Variants in FGF20 observed in about 807,000 individuals in gnomAD.
FGF20 encodes fibroblast growth factor 20.
Under a neutral mutation model 16.7 loss-of-function variants are expected in FGF20, and 8 were observed. That is an observed-to-expected ratio of 0.48 (90% CI 0.28 to 0.87). The LOEUF is 0.87. Among genes scored for constraint, FGF20 ranks in the 40% least tolerant of loss-of-function variants. FGF20 has a pLI of 0.10. For missense variants in FGF20, 397 were observed against 281.4 expected (o/e 1.41, Z -2.94); for synonymous variants, 161 against 118.6 (o/e 1.36, Z -2.32).
intron 1 of FGF20, among the ~76,000 whole-genome samples, chr8:16,996,758 A>G (rs960309196): frequency 6.6e-6 from 1 of 152,198 alleles, no homozygotes; most frequent in Non-Finnish European, 1.5e-5. Context: ...AGATATTATT[A>G]TCCCCATTTT....
chr8:16,993,797 C>A (rs145023755), intron 2 of FGF20, among the ~76,000 whole-genome samples: 67 of 152,304 alleles, frequency 4.4e-4, no homozygotes, highest in East Asian at 1.9e-3. Context: ...GCATTAGATT[C>A]TCATAAGAAG....
chr8:16,998,674 A>G (rs1374754055), intron 1 of FGF20, among the ~76,000 whole-genome samples: 3 of 152,182 alleles, frequency 2.0e-5, no homozygotes, highest in Non-Finnish European at 2.9e-5. Flanking sequence ...TCAACCCACA[A>G]TGCAACCACA....
intron 2 of FGF20, among the ~76,000 whole-genome samples, chr8:16,995,275 G>T (rs1352345122): frequency 6.6e-6 from 1 of 152,220 alleles, no homozygotes; most frequent in Non-Finnish European, 1.5e-5. Context: ...AGCTGTGGAA[G>T]ATGATAACAG....
rs1029805434 is a variant in FGF20 at position 16,992,858 on chromosome 8, G to T, written c.*214C>A. ...GTAAGGACTAATCCAATGTATCTAAGGGAACTTAATCCACATATAAAGAGT... is the reference window on the plus strand; with the variant it reads ...GTAAGGACTAATCCAATGTATCTAATGGAACTTAATCCACATATAAAGAGT... On this transcript the variant is annotated 3_prime_UTR_variant, in exon 3 of 3. Coordinates refer to ENST00000180166, the MANE Select transcript of FGF20 (RefSeq NM_019851.3). 12 of 553,948 alleles carry T rather than the reference G, an allele frequency of 2.2e-5. No individual in the cohort carries two copies. The African/African-American group carries it at 2.3e-4, about 11-fold the overall frequency. The allele number at this position is 553,948 out of a possible 1,614,324, so 34.3% of individuals were successfully genotyped here.
intron 2 of FGF20, 57 bp downstream of exon 2, chr8:16,995,598 T>C (rs995659689): frequency 7.1e-6 from 5 of 704,014 alleles, no homozygotes; most frequent in Non-Finnish European, 1.1e-5. Context: ...AATTACATAA[T>C]AGATAGTCAA....
In FGF20 at chr8:16,993,621, C is replaced by T. The variant is rs560233141; in HGVS notation, c.391-304G>A. Reference sequence around the variant, plus strand: ...GGATGGTTTCAGGGTGATCCAAGTGCATTACATTTATTGTGTACTTCATTC... The same window carrying T: ...GGATGGTTTCAGGGTGATCCAAGTGTATTACATTTATTGTGTACTTCATTC... On this transcript the variant is annotated intron_variant, in intron 2 of 2. Transcript: ENST00000180166. Among the ~76,000 whole-genome samples, 180 of 152,186 alleles carry T rather than the reference C, an allele frequency of 1.2e-3. 1 individual carries two copies. Among genetic ancestry groups the T allele is most frequent in the Non-Finnish European group, 2.1e-3 (140 of 68,018 alleles).
chr8:17,001,182 G>A (rs1266843218), intron 1 of FGF20, among the ~76,000 whole-genome samples: 1 of 152,050 alleles, frequency 6.6e-6, no homozygotes, highest in Non-Finnish European at 1.5e-5. Context: ...ACATTTGCAA[G>A]TCTCTAGGTA....
At chr8:16,994,818 C>T (rs1810005412) in intron 2 of FGF20, among the ~76,000 whole-genome samples, 1 of 152,114 alleles carries the variant, frequency 6.6e-6, no homozygotes, top group Non-Finnish European at 1.5e-5. Context: ...GGGATACTGG[C>T]ATACATTTTT....
intron 1 of FGF20, among the ~76,000 whole-genome samples, chr8:16,999,828 T>C (rs1467691361): frequency 6.6e-6 from 1 of 150,750 alleles, no homozygotes; most frequent in African/African-American, 2.4e-5. Context: ...CGTGAGCCAC[T>C]GCGCCCAGCC....
Position 16,995,701 on chromosome 8 carries a change from C to A in FGF20, c.344G>T (p.Ser115Ile). 1 of 1,608,936 alleles carries A rather than the reference C, an allele frequency of 6.2e-7. No homozygotes were observed. ...VGLVSIRGVD[S>I]GLYLGMNDKG... ...GTCATTCATTCCAAGATAGAGACCA[C>A]TGTCCACACCTCTAATACTGACCAG... is the stretch of plus-strand genomic sequence containing the variant. The change falls in exon 2 of 3, where the codon AGT becomes ATT. Residue 115 changes from serine to isoleucine, a missense_variant. Physicochemically the swap from Ser to Ile is moderately radical, Grantham distance 142. Transcript: ENST00000180166.
chr8:16,995,395 A>G (rs1390444982), intron 2 of FGF20, among the ~76,000 whole-genome samples: 1 of 152,234 alleles, frequency 6.6e-6, no homozygotes, highest in Non-Finnish European at 1.5e-5. Context: ...TAAAATACAG[A>G]GAAAACTAGA....
Position 16,994,268 on chromosome 8 carries a change from A to T in FGF20, c.391-951T>A, listed in dbSNP as rs1404160517. 5.3e-5 allele frequency among the ~76,000 whole-genome samples: 8 copies of T among 152,300 alleles called. No individual in the cohort carries two copies. In the East Asian group the frequency reaches 1.5e-3, roughly 29 times the overall value. On this transcript the variant is annotated intron_variant, in intron 2 of 2. Transcript: ENST00000180166. ...ATTTCAAGATCTTGCTAAGAACCAA[A>T]TTCCAAATTCATGATCATCACTCCA...
chr8:17,001,417 CAG>C (rs1810177965), intron 1 of FGF20, among the ~76,000 whole-genome samples: 1 of 152,072 alleles, frequency 6.6e-6, no homozygotes, highest in Admixed American at 6.5e-5. Flanking sequence ...CCGAGTGCAC[CAG>C]GTCTTGGTGT....
chr8:16,995,789 A>T (rs1413189156), intron 1 of FGF20, 31 bp from the exon 2 acceptor site: 3 of 1,288,988 alleles, frequency 2.3e-6, no homozygotes, highest in Non-Finnish European at 3.3e-6. Context: ...TAAAAACACC[A>T]TGTTTTGTAT....
chr8:16,993,735 G>C (rs1429926469), intron 2 of FGF20, among the ~76,000 whole-genome samples: 2 of 152,076 alleles, frequency 1.3e-5, no homozygotes, highest in Non-Finnish European at 2.9e-5. Context: ...TTGTTTTCTT[G>C]CAACTAGACT....
intron 1 of FGF20, among the ~76,000 whole-genome samples, chr8:17,000,181 T>C (rs1034142425): frequency 6.6e-6 from 1 of 152,076 alleles, no homozygotes; most frequent in Non-Finnish European, 1.5e-5. Context: ...GCCTCCTCAA[T>C]TTAAAAACCA....
At chr8:16,994,061 C>G (rs1216367918) in intron 2 of FGF20, among the ~76,000 whole-genome samples, 1 of 152,166 alleles carries the variant, frequency 6.6e-6, no homozygotes, top group Non-Finnish European at 1.5e-5. Context: ...CTTTAAAGAA[C>G]TTTCAGTCAA....
chr8:16,993,564 A>G (rs1563231939), intron 2 of FGF20, among the ~76,000 whole-genome samples: 1 of 11,692 alleles, frequency 8.6e-5, no homozygotes, highest in Non-Finnish European at 8.8e-3. Context: ...TTCATGGAAG[A>G]CAATTTTTCC....
Position 16,993,308 on chromosome 8 carries a change from T to C in FGF20, c.400A>G (p.Thr134Ala). The change falls in exon 3 of 3, where the codon ACT becomes GCT. Residue 134 changes from threonine (T) to alanine (A), a missense_variant. Physicochemically the swap from Thr to Ala is moderately conservative, Grantham distance 58. Transcript: ENST00000180166. ...TGCTCCCTAAAGATGCATTCGGAAG[T>C]AAGTTTCTCCTGAAAGAGAGAAGAT... ...KGELYGSEKL[T>A]SECIFREQFE... is the part of the protein sequence containing the mutation. 6.2e-7 allele frequency: 1 copy of C among 1,604,312 alleles called. No individual in the cohort carries two copies. The highest frequency in any genetic ancestry group is 1.7e-5 in the Admixed American group (1 of 58,618).
Sources: gnomAD v4.1 joint callset for allele counts (sites outside exome capture counted in the v4.1 genomes callset) on GRCh38, gnomAD v4.1.1 for gene constraint, MANE v1.5 for transcripts, NCBI Gene and HGNC (gene_info 2026-07-23, HGNC 2026-07-21) for gene names.